NKAIN3: variants seen among roughly 807,000 people sequenced by gnomAD.
The protein encoded by NKAIN3 is sodium/potassium transporting ATPase interacting 3.
NKAIN3 carries 25 observed loss-of-function variants against 30.2 expected under a neutral mutation model. The observed-to-expected ratio is 0.83, with a 90% CI of 0.60 to 1.16. NKAIN3 has a LOEUF of 1.16. Ranked by LOEUF, NKAIN3 falls within the 50% of genes most tolerant of loss-of-function variation. The probability of loss-of-function intolerance (pLI) is 0.00; values close to 1 mark genes in which losing one functional copy is unlikely to be tolerated. For missense variants in NKAIN3, 225 were observed against 254.1 expected (o/e 0.89, Z 0.78); for synonymous variants, 91 against 89.6 (o/e 1.02, Z -0.09).
chr8:62,444,355 CTG>C (rs1341234403), intron 1 of NKAIN3, among the ~76,000 whole-genome samples: 3 of 152,072 alleles, frequency 2.0e-5, no homozygotes, highest in African/African-American at 7.2e-5. Flanking sequence ...TTCTTCCTAA[CTG>C]TGTATTTGTA....
At chr8:62,798,264 A>G (rs923512683) in intron 4 of NKAIN3, among the ~76,000 whole-genome samples, 1 of 152,116 alleles carries the variant, frequency 6.6e-6, no homozygotes, top group Admixed American at 6.5e-5. Flanking sequence ...ATTTAATTGC[A>G]GCTCCACTAT....
Position 62,550,500 on chromosome 8 carries a change from A to G in NKAIN3, c.55-29039A>G, listed in dbSNP as rs1472350447. ...GAGACCTATAGGTTCCTAGAAAATC[A>G]CTGGCATTGGCTGAATTGAACTTGG... On this transcript the variant is annotated intron_variant, in intron 1 of 6. Transcript: ENST00000623646. Among the ~76,000 whole-genome samples the G allele has an allele frequency of 1.3e-5, 2 of 152,238 alleles. 1 individual carries two copies. The highest frequency in any genetic ancestry group is 2.9e-5 in the Non-Finnish European group (2 of 68,048).
rs1277096710 is a variant in NKAIN3, at chr8:62,770,194, C to T, written c.471+23065C>T. ...CCAAGCTCTCCAAACATCCCTGGCT[C>T]ATTGGGTGACTGCATGCCTAGGCAA... On this transcript the variant is annotated intron_variant, in intron 4 of 6. Transcript: ENST00000623646. 3.3e-5 allele frequency among the ~76,000 whole-genome samples: 5 copies of T among 152,322 alleles called. No homozygotes were observed. In the East Asian group the frequency reaches 9.7e-4, roughly 29 times the overall value.
At chr8:62,377,228 CTT>C (rs1398339073) in intron 1 of NKAIN3, among the ~76,000 whole-genome samples, 1 of 152,116 alleles carries the variant, frequency 6.6e-6, no homozygotes, top group Non-Finnish European at 1.5e-5. Context: ...ATTCTTCCCT[CTT>C]TGTTTCTTTG....
At chr8:62,418,099 G>T (rs1043505272) in intron 1 of NKAIN3, among the ~76,000 whole-genome samples, 2 of 152,130 alleles carry the variant, frequency 1.3e-5, no homozygotes, top group Non-Finnish European at 2.9e-5. Context: ...TGCATTATCA[G>T]TCCAGCTGCC....
chr8:62,390,171 T>G (rs1817549360), intron 1 of NKAIN3, among the ~76,000 whole-genome samples: 1 of 152,160 alleles, frequency 6.6e-6, no homozygotes, highest in African/African-American at 2.4e-5. Flanking sequence ...CCATTAGTTA[T>G]TCTTCCTGAT....
At chr8:62,486,780 TG>T (rs1806917739) in intron 1 of NKAIN3, among the ~76,000 whole-genome samples, 1 of 152,200 alleles carries the variant, frequency 6.6e-6, no homozygotes, top group Admixed American at 6.5e-5. Flanking sequence ...GCTCAGTAAA[TG>T]GCAACTGGCA....
intron 4 of NKAIN3, among the ~76,000 whole-genome samples, chr8:62,820,606 A>G (rs1028401132): frequency 3.0e-4 from 46 of 152,178 alleles, no homozygotes; most frequent in African/African-American, 1.1e-3. Flanking sequence ...TATATTGTCT[A>G]TTGTAGAATG....
chr8:62,270,509 G>A (rs975095704), intron 1 of NKAIN3, among the ~76,000 whole-genome samples: 9 of 152,176 alleles, frequency 5.9e-5, no homozygotes, highest in East Asian at 5.8e-4. Flanking sequence ...TGAGAACTAT[G>A]TGGAATAATT....
At chr8:62,829,721 T>C (rs1466272995) in intron 4 of NKAIN3, among the ~76,000 whole-genome samples, 1 of 143,104 alleles carries the variant, frequency 7.0e-6, no homozygotes, top group Non-Finnish European at 1.5e-5. Context: ...TATTTTGTTG[T>C]TTGTTAACTA....
At chr8:62,745,700 G>GCTCTCAAAATA (rs1816046550) in intron 3 of NKAIN3, among the ~76,000 whole-genome samples, 1 of 152,092 alleles carries the variant, frequency 6.6e-6, no homozygotes, top group African/African-American at 2.4e-5. Flanking sequence ...AGCTCTGAAA[G>GCTCTCAAAATA]TGTATTTTGA....
intron 3 of NKAIN3, among the ~76,000 whole-genome samples, chr8:62,664,202 G>A (rs757052832): frequency 6.6e-5 from 10 of 151,540 alleles, no homozygotes; most frequent in African/African-American, 1.5e-4. Context: ...AGATCACTTT[G>A]ATTAAGTATC....
chr8:62,996,417 G>A (rs1262424069), intron 5 of NKAIN3, among the ~76,000 whole-genome samples: 1 of 152,026 alleles, frequency 6.6e-6, no homozygotes, highest in Non-Finnish European at 1.5e-5. Flanking sequence ...TCGACACTTG[G>A]GGATTACAAT....
chr8:62,283,323 T>C (rs944093565), intron 1 of NKAIN3, among the ~76,000 whole-genome samples: 9 of 152,142 alleles, frequency 5.9e-5, no homozygotes, highest in Non-Finnish European at 7.4e-5. Context: ...TCAATCCTGA[T>C]GACAAACCCA....
intron 1 of NKAIN3, among the ~76,000 whole-genome samples, chr8:62,553,072 G>A (rs1285607420): frequency 6.6e-6 from 1 of 152,158 alleles, no homozygotes; most frequent in Non-Finnish European, 1.5e-5. Context: ...CATTGTGTAT[G>A]CTTGGAAAGT....
chr8:62,707,054 CAT>C (rs747261050), intron 3 of NKAIN3, among the ~76,000 whole-genome samples: 2,217 of 82,526 alleles, frequency 0.027, 51 homozygotes, highest in African/African-American at 0.066. Flanking sequence ...ATCATACATA[CAT>C]ACACACACAC....
chr8:62,341,040 G>T (rs1180558699), intron 1 of NKAIN3, among the ~76,000 whole-genome samples: 1 of 151,998 alleles, frequency 6.6e-6, no homozygotes, highest in Non-Finnish European at 1.5e-5. Flanking sequence ...ACATGCTTCA[G>T]TGTTATTAGA....
At chr8:62,870,703 C>CTATATCTCTATATA (rs1820610621) in intron 4 of NKAIN3, among the ~76,000 whole-genome samples, 2 of 116,350 alleles carry the variant, frequency 1.7e-5, no homozygotes, top group Admixed American at 8.1e-5. Context: ...ATCTATATAT[C>CTATATCTCTATATA]TATATATCTA....
At chr8:62,700,296 A>G (rs543810018) in intron 3 of NKAIN3, among the ~76,000 whole-genome samples, 2 of 152,358 alleles carry the variant, frequency 1.3e-5, no homozygotes, top group East Asian at 3.9e-4. Context: ...CAGAGAAGTT[A>G]CACAGGGTAA....
Sources: gnomAD v4.1 joint callset for allele counts (sites outside exome capture counted in the v4.1 genomes callset) on GRCh38, gnomAD v4.1.1 for gene constraint, MANE v1.5 for transcripts, NCBI Gene and HGNC (gene_info 2026-07-23, HGNC 2026-07-21) for gene names.